Variants in C9 observed in about 807,000 individuals in gnomAD.
C9 encodes complement component C9.
Under a neutral mutation model 65.4 loss-of-function variants are expected in C9, and 63 were observed. The observed-to-expected ratio is 0.96, with a 90% CI of 0.79 to 1.19. The LOEUF (loss-of-function observed/expected upper bound fraction) is 1.19. Ranked by LOEUF, C9 falls within the 50% of genes most tolerant of loss-of-function variation. The pLI, the probability that C9 is intolerant of heterozygous loss-of-function variation, is 0.00. For missense variants in C9, 744 were observed against 670.1 expected, an observed-to-expected ratio of 1.11 and a Z score of -1.22; for synonymous variants, 229 against 227.9, an observed-to-expected ratio of 1.00 and a Z score of -0.04.
intron 8 of C9, among the ~76,000 whole-genome samples, chr5:39,307,838 G>A (rs1753407954): frequency 6.6e-6 from 1 of 152,148 alleles, no homozygotes; most frequent in Non-Finnish European, 1.5e-5. Context: ...GTGGAGTTGG[G>A]GAAATGGTTT....
intron 1 of C9, among the ~76,000 whole-genome samples, chr5:39,349,245 C>T (rs751183448): frequency 6.6e-6 from 1 of 151,818 alleles, no homozygotes; most frequent in Non-Finnish European, 1.5e-5. Context: ...CTCTAGATCC[C>T]AGCTCCCCTT....
At chr5:39,347,138 C>T (rs1214227002) in intron 1 of C9, among the ~76,000 whole-genome samples, 6 of 152,068 alleles carry the variant, frequency 3.9e-5, no homozygotes, top group African/African-American at 7.2e-5. Context: ...CTCTCACCAC[C>T]CCTATTCAAC....
chr5:39,346,493 G>T (rs187808957), intron 1 of C9, among the ~76,000 whole-genome samples: 1 of 152,118 alleles, frequency 6.6e-6, no homozygotes, highest in South Asian at 2.1e-4. Context: ...TCCCTGAATA[G>T]ACCAATAACA....
intron 1 of C9, among the ~76,000 whole-genome samples, chr5:39,359,548 A>C (rs1434867724): frequency 2.0e-5 from 3 of 152,132 alleles, no homozygotes; most frequent in African/African-American, 7.2e-5. Flanking sequence ...TAAAGTGGAG[A>C]AATGTGCCAT....
chr5:39,321,490 T>C (rs1044715331), intron 5 of C9, among the ~76,000 whole-genome samples: 1 of 151,588 alleles, frequency 6.6e-6, no homozygotes, highest in African/African-American at 2.4e-5. Flanking sequence ...CAAAGGAAGA[T>C]AGCAAGAGAG....
At chr5:39,317,360 C>T (rs1041523965) in intron 5 of C9, among the ~76,000 whole-genome samples, 6 of 152,034 alleles carry the variant, frequency 3.9e-5, no homozygotes, top group African/African-American at 1.4e-4. Context: ...AACTGGATCC[C>T]GTTTGTCAAT....
chr5:39,336,171 G>A (rs1250920303), intron 4 of C9, among the ~76,000 whole-genome samples: 1 of 151,972 alleles, frequency 6.6e-6, no homozygotes, highest in Non-Finnish European at 1.5e-5. Context: ...TTTTCTAACA[G>A]TTGGAAATTT....
intron 10 of C9, among the ~76,000 whole-genome samples, chr5:39,287,807 A>C (rs1291865774): frequency 1.3e-5 from 2 of 151,916 alleles, no homozygotes; most frequent in Non-Finnish European, 2.9e-5. Flanking sequence ...GAAATAATAG[A>C]CAGTGGGGAC....
intron 9 of C9, among the ~76,000 whole-genome samples, chr5:39,303,932 C>CT (rs1256065603): frequency 6.6e-6 from 1 of 152,102 alleles, no homozygotes. Context: ...CCCTGAGCTG[C>CT]TGGGATAGAC....
At chr5:39,354,108 T>A (rs962260681) in intron 1 of C9, among the ~76,000 whole-genome samples, 1 of 152,182 alleles carries the variant, frequency 6.6e-6, no homozygotes, top group African/African-American at 2.4e-5. Flanking sequence ...AATTGCAGGC[T>A]AAAAATGTAT....
At chr5:39,312,568 G>A (rs1283554899) in intron 6 of C9, among the ~76,000 whole-genome samples, 1 of 152,112 alleles carries the variant, frequency 6.6e-6, no homozygotes, top group Admixed American at 6.6e-5. Flanking sequence ...GTCAGCCTAA[G>A]CAACTCAACA....
chr5:39,358,724 G>T (rs1288219891), intron 1 of C9, among the ~76,000 whole-genome samples: 2 of 152,046 alleles, frequency 1.3e-5, no homozygotes, highest in African/African-American at 2.4e-5. Context: ...GGTGGCTCAC[G>T]TCTGTAATCC....
intron 9 of C9, among the ~76,000 whole-genome samples, chr5:39,289,952 T>C (rs894212835): frequency 6.6e-6 from 1 of 151,802 alleles, no homozygotes; most frequent in Non-Finnish European, 1.5e-5. Context: ...TTTAATTAGA[T>C]GTAAAGAAAA....
intron 10 of C9, among the ~76,000 whole-genome samples, chr5:39,285,572 G>A (rs964845357): frequency 7.2e-5 from 11 of 152,182 alleles, no homozygotes; most frequent in Admixed American, 7.2e-4. Context: ...TTTTAACCCT[G>A]GCTAAAGATT....
chr5:39,334,386 G>C (rs376847015), intron 4 of C9, among the ~76,000 whole-genome samples: 1 of 146,494 alleles, frequency 6.8e-6, no homozygotes, highest in Non-Finnish European at 1.5e-5. Flanking sequence ...CAACCGCCCC[G>C]TCTGAGAAGT....
chr5:39,287,332 T>G (rs1423057303), intron 10 of C9, among the ~76,000 whole-genome samples: 5 of 152,010 alleles, frequency 3.3e-5, no homozygotes, highest in Non-Finnish European at 5.9e-5. Context: ...ATCTTACATG[T>G]AAGTCTTTAA....
rs1366685697 is a variant in C9 at position 39,308,325 on chromosome 5, C to T, written c.1145G>A (p.Gly382Glu). 1.2e-6 allele frequency: 2 copies of T among 1,600,178 alleles called. No homozygotes were observed. Among genetic ancestry groups the T allele is most frequent in the African/African-American group, 1.3e-5 (1 of 74,678 alleles). ...AGCCAGAGATACATCCAGATGATAC[C>T]CAAGGCATCTCTTTATGTCTTTTAG... The part of the protein sequence containing the change: ...VELKDIKRCL[G>E]YHLDVSLAFS... Residue 382 changes from glycine to glutamate, a missense_variant, in exon 8 of 11, where the codon GGG becomes GAG. By Grantham distance (98) the Gly-to-Glu change is moderately conservative (BLOSUM62 -2). Coordinates refer to ENST00000263408, the MANE Select transcript of C9 (RefSeq NM_001737.5).
chr5:39,309,770 A>G (rs1753446834), intron 7 of C9, among the ~76,000 whole-genome samples: 1 of 152,102 alleles, frequency 6.6e-6, no homozygotes, highest in South Asian at 2.1e-4. Context: ...ACTAGAATTG[A>G]CCTGATGATC....
At chr5:39,299,796 A>T (rs956894266) in intron 9 of C9, among the ~76,000 whole-genome samples, 4 of 152,100 alleles carry the variant, frequency 2.6e-5, no homozygotes, top group African/African-American at 9.7e-5. Flanking sequence ...ACTAAAAAAA[A>T]TAAATTTTAC....
Sources: allele counts gnomAD v4.1 joint callset (sites outside exome capture counted in the v4.1 genomes callset), GRCh38; gene constraint gnomAD v4.1.1; transcripts MANE v1.5; gene names NCBI Gene and HGNC (gene_info 2026-07-23, HGNC 2026-07-21).